DLG2: variants seen among roughly 807,000 people sequenced by gnomAD.
The protein encoded by DLG2 is disks large homolog 2.
A neutral mutation model predicts 132.5 loss-of-function variants in DLG2; 45 were observed. That is an observed-to-expected ratio of 0.34 (90% CI 0.27 to 0.44). The LOEUF (loss-of-function observed/expected upper bound fraction) is 0.44, where lower values mean the gene tolerates loss of function less well. Ranked by LOEUF, DLG2 falls within the 20% of genes least tolerant of loss-of-function variation. The probability of loss-of-function intolerance (pLI) is 1.00; values close to 1 mark genes in which losing one functional copy is unlikely to be tolerated. For synonymous variants in DLG2, 424 were observed against 419.6 expected (o/e 1.01, Z -0.13); for missense variants, 1,045 against 1,196.9 (o/e 0.87, Z 1.87).
intron 3 of DLG2, among the ~76,000 whole-genome samples, chr11:85,389,167 G>A (rs765317704): frequency 5.3e-5 from 8 of 151,880 alleles, no homozygotes; most frequent in East Asian, 1.9e-4. Flanking sequence ...AAAAACAATC[G>A]CAACTTCTGA....
chr11:84,970,153 A>T (rs993247862), intron 6 of DLG2, among the ~76,000 whole-genome samples: 2 of 152,050 alleles, frequency 1.3e-5, no homozygotes, highest in African/African-American at 4.8e-5. Flanking sequence ...GTATCCCAGA[A>T]CTTACAGTAT....
At chr11:83,698,454 C>T (rs375287921) in intron 18 of DLG2, among the ~76,000 whole-genome samples, 1 of 152,262 alleles carries the variant, frequency 6.6e-6, no homozygotes. Context: ...CAATGTCTTA[C>T]TAAATATGTA....
At chr11:84,826,362 A>G (rs2078330056) in intron 6 of DLG2, among the ~76,000 whole-genome samples, 1 of 151,742 alleles carries the variant, frequency 6.6e-6, no homozygotes, top group African/African-American at 2.4e-5. Context: ...ACTTGCTTAA[A>G]TCTTTGACTT....
At chr11:85,469,682 T>G (rs2092920508) in intron 3 of DLG2, 1 of 152,238 alleles carries the variant, frequency 6.6e-6, no homozygotes, top group Admixed American at 6.5e-5. Flanking sequence ...TTCTTATTTA[T>G]GATGTGACAG....
intron 6 of DLG2, among the ~76,000 whole-genome samples, chr11:84,549,588 G>T (rs2099397586): frequency 6.6e-6 from 1 of 152,150 alleles, no homozygotes; most frequent in South Asian, 2.1e-4. Flanking sequence ...CTTTAGGGAA[G>T]TATGAAGGCT....
intron 7 of DLG2, among the ~76,000 whole-genome samples, chr11:84,309,429 A>C (rs2098265512): frequency 6.6e-6 from 1 of 152,234 alleles, no homozygotes; most frequent in South Asian, 2.1e-4. Context: ...TTATAACAAT[A>C]AAAGGAAAAC....
intron 11 of DLG2, among the ~76,000 whole-genome samples, chr11:84,037,835 CTG>C (rs1229400236): frequency 6.6e-6 from 1 of 151,986 alleles, no homozygotes; most frequent in Non-Finnish European, 1.5e-5. Context: ...TTTCTATTAA[CTG>C]GTTATAATTT....
Position 83,457,512 on chromosome 11 carries a change from T to C in DLG2, c.*2306A>G, listed in dbSNP as rs1379861516. 2.0e-5 allele frequency: 3 copies of C among 152,666 alleles called. No homozygotes were observed. Among genetic ancestry groups the C allele is most frequent in the African/African-American group, 7.2e-5 (3 of 41,462 alleles). The allele number at this position is 152,666 out of a possible 1,614,324, so 9.5% of individuals were successfully genotyped here. ...CTAGGAAAATAAATAGTTATATTAC[T>C]ACAAAACCAAGGGTTGGTGGTTCAA... On this transcript the variant is annotated 3_prime_UTR_variant, in exon 28 of 28. Coordinates refer to ENST00000376104, the MANE Select transcript of DLG2 (RefSeq NM_001142699.3).
At position 84,614,764 on chromosome 11, in the gene DLG2, T is replaced by C. The variant is rs141918548; in HGVS notation, c.358-80033A>G. Among the ~76,000 whole-genome samples, 1,423 of 152,280 alleles carry C rather than the reference T, an allele frequency of 9.3e-3. 17 individuals are homozygous for C. The highest frequency in any genetic ancestry group is 0.034 in the Middle Eastern group (10 of 294). ...ATGGGAGTGGAAGAGTTTTATAAGA[T>C]GAAGAATGCTATATAACACAAGATG... On this transcript the variant is annotated intron_variant, in intron 6 of 27. Coordinates refer to ENST00000376104, the MANE Select transcript of DLG2 (RefSeq NM_001142699.3).
chr11:85,569,820 T>C (rs2077741698), intron 3 of DLG2, among the ~76,000 whole-genome samples: 1 of 152,174 alleles, frequency 6.6e-6, no homozygotes, highest in Non-Finnish European at 1.5e-5. Flanking sequence ...TGGAAAGCAC[T>C]TTGGAGATTT....
chr11:85,613,528 C>T (rs1464021268), intron 2 of DLG2, among the ~76,000 whole-genome samples: 1 of 152,138 alleles, frequency 6.6e-6, no homozygotes, highest in East Asian at 1.9e-4. Context: ...TTCTGTATAG[C>T]TAAAGGATTG....
intron 5 of DLG2, among the ~76,000 whole-genome samples, chr11:85,131,755 T>A (rs1473741425): frequency 6.6e-6 from 1 of 152,134 alleles, no homozygotes; most frequent in African/African-American, 2.4e-5. Context: ...AAGGTCATAC[T>A]ATGGGGAACT....
intron 6 of DLG2, among the ~76,000 whole-genome samples, chr11:85,062,728 T>G (rs1463912844): frequency 6.6e-6 from 1 of 151,748 alleles, no homozygotes; most frequent in East Asian, 1.9e-4. Context: ...CTTCAGTTAG[T>G]AAACTAACTG....
intron 21 of DLG2, among the ~76,000 whole-genome samples, chr11:83,485,807 G>A (rs1364728332): frequency 6.6e-6 from 1 of 152,012 alleles, no homozygotes; most frequent in Admixed American, 6.6e-5. Context: ...TGGTAACCAT[G>A]TTCATTTAGG....
chr11:84,788,915 G>A (rs1207969054), intron 6 of DLG2, among the ~76,000 whole-genome samples: 4 of 152,094 alleles, frequency 2.6e-5, no homozygotes, highest in Admixed American at 1.3e-4. Context: ...TGGCGACTCA[G>A]GGAAGCTCTG....
intron 18 of DLG2, among the ~76,000 whole-genome samples, chr11:83,670,075 C>G (rs80191295): frequency 1.0e-3 from 153 of 152,310 alleles, no homozygotes; most frequent in African/African-American, 3.5e-3. Context: ...ATCTACCTAA[C>G]TCAACCAGCT....
At chr11:83,712,305 T>C (rs968099879) in intron 18 of DLG2, among the ~76,000 whole-genome samples, 3 of 152,248 alleles carry the variant, frequency 2.0e-5, no homozygotes, top group South Asian at 4.1e-4. Context: ...GTCGTACATA[T>C]ACACCACGGA....
chr11:84,479,195 T>A (rs1174682996), intron 7 of DLG2, among the ~76,000 whole-genome samples: 1 of 152,108 alleles, frequency 6.6e-6, no homozygotes, highest in Non-Finnish European at 1.5e-5. Flanking sequence ...AGGAACACTA[T>A]AAAACTTGGA....
chr11:84,313,346 C>A (rs1232972318), intron 7 of DLG2, among the ~76,000 whole-genome samples: 2 of 149,820 alleles, frequency 1.3e-5, no homozygotes, highest in African/African-American at 4.9e-5. Flanking sequence ...AACTTCTGGC[C>A]TCTAGTGATC....
Sources: gnomAD v4.1 joint callset for allele counts (sites outside exome capture counted in the v4.1 genomes callset) on GRCh38, gnomAD v4.1.1 for gene constraint, MANE v1.5 for transcripts, NCBI Gene and HGNC (gene_info 2026-07-23, HGNC 2026-07-21) for gene names.